Variants in TMSB15B observed in about 807,000 individuals in gnomAD.
TMSB15B encodes the protein thymosin beta 15B, also known as thymosin beta-15B.
intron 1 of TMSB15B, among the ~76,000 whole-genome samples, chrX:103,927,420 G>T (rs1348977268): frequency 9.8e-5 from 11 of 112,008 alleles, no homozygotes; most frequent in African/African-American, 3.6e-4. Flanking sequence ...TACAGGGTTA[G>T]GTTTGGAAAT....
intron 1 of TMSB15B, among the ~76,000 whole-genome samples, chrX:103,920,045 C>T (rs1556317282): frequency 8.9e-6 from 1 of 111,806 alleles, no homozygotes; most frequent in Non-Finnish European, 1.9e-5. Flanking sequence ...AGAGGAAACT[C>T]TTCTTGGCAC....
At chrX:103,933,812 T>A (rs1232069624) in intron 1 of TMSB15B, among the ~76,000 whole-genome samples, 2 of 108,626 alleles carry the variant, frequency 1.8e-5, no homozygotes, top group African/African-American at 6.6e-5. Context: ...TTTGCAGGGT[T>A]TTCTTTTCTT....
intron 1 of TMSB15B, chrX:103,928,144 A>G (rs1236629109): frequency 5.8e-5 from 67 of 1,155,444 alleles, no homozygotes; most frequent in East Asian, 5.7e-4. Context: ...AGCACAGAAC[A>G]CAAGCAGAGG....
intron 1 of TMSB15B, chrX:103,932,548 T>C (rs1482406748): frequency 2.7e-5 from 3 of 112,618 alleles, no homozygotes; most frequent in East Asian, 5.5e-4. Context: ...ACTTTATGTA[T>C]GTTTAAAGCT....
chrX:103,944,803 T>C (rs1479006297), intron 1 of TMSB15B, among the ~76,000 whole-genome samples: 3 of 112,361 alleles, frequency 2.7e-5, no homozygotes, highest in Non-Finnish European at 5.6e-5. Context: ...CTTTCTTTTA[T>C]GTTTTTTTGA....
chrX:103,939,960 G>A (rs1202388932), intron 1 of TMSB15B, among the ~76,000 whole-genome samples: 1 of 111,692 alleles, frequency 9.0e-6, no homozygotes. Context: ...TCCAGACCCC[G>A]TTCATCTGGG....
chrX:103,928,879 T>G (rs2074976921), intron 1 of TMSB15B: 1 of 1,204,046 alleles, frequency 8.3e-7, no homozygotes, highest in African/African-American at 1.7e-5. Context: ...GTGGAACACT[T>G]GGGGCCAAAA....
intron 1 of TMSB15B, among the ~76,000 whole-genome samples, chrX:103,930,723 T>TTGA (rs200465669): frequency 0.17 from 12,923 of 74,398 alleles, 768 homozygotes; most frequent in East Asian, 0.38. Flanking sequence ...AATGATGCTG[T>TTGA]TGATAATAAT....
intron 1 of TMSB15B, among the ~76,000 whole-genome samples, chrX:103,950,766 G>A (rs1417066558): frequency 9.1e-6 from 1 of 110,324 alleles, no homozygotes; most frequent in African/African-American, 3.3e-5. Flanking sequence ...TAATAAAGAT[G>A]AGAAATAACA....
At chrX:103,940,552 T>C (rs1198103741) in intron 1 of TMSB15B, among the ~76,000 whole-genome samples, 2 of 111,192 alleles carry the variant, frequency 1.8e-5, no homozygotes, top group African/African-American at 6.6e-5. Context: ...ACTTTCGTGC[T>C]GGCAGCAAGA....
intron 1 of TMSB15B, among the ~76,000 whole-genome samples, chrX:103,924,883 A>G (rs1160777497): frequency 9.0e-6 from 1 of 110,993 alleles, no homozygotes; most frequent in Non-Finnish European, 1.9e-5. Context: ...GGTGGTCTGT[A>G]CTTTGAATTC....
the TMSB15B span, among the ~76,000 whole-genome samples, chrX:103,974,376 CAT>C: frequency 1.7e-3 from 23 of 13,309 alleles, 3 homozygotes; most frequent in African/African-American, 2.2e-3. Flanking sequence ...TATACATATA[CAT>C]ATATATATAT....
chrX:103,928,668 A>G (rs1556319387), intron 1 of TMSB15B: 3 of 1,154,800 alleles, frequency 2.6e-6, no homozygotes, highest in Admixed American at 2.2e-5. Flanking sequence ...GGAGCACTCT[A>G]TATTTTTCTT....
intron 1 of TMSB15B, chrX:103,932,455 G>A (rs1276806089): frequency 8.9e-6 from 1 of 112,171 alleles, no homozygotes; most frequent in African/African-American, 3.2e-5. Flanking sequence ...AAAGGAAAAA[G>A]TTTGTGTGTT....
intron 1 of TMSB15B, among the ~76,000 whole-genome samples, chrX:103,951,199 A>G (rs1453950443): frequency 8.9e-6 from 1 of 111,810 alleles, no homozygotes; most frequent in Non-Finnish European, 1.9e-5. Flanking sequence ...AGAGGTAATT[A>G]TGTCACATTA....
At chrX:103,948,961 T>C (rs1556327838) in intron 1 of TMSB15B, among the ~76,000 whole-genome samples, 1 of 111,727 alleles carries the variant, frequency 9.0e-6, no homozygotes, top group Non-Finnish European at 1.9e-5. Context: ...GAAAACAGGG[T>C]GGGCAGTTTG....
intron 1 of TMSB15B, chrX:103,929,156 C>T (rs1556319480): frequency 2.3e-6 from 1 of 426,755 alleles, no homozygotes; most frequent in African/African-American, 2.5e-5. Context: ...GGAGAAGTTC[C>T]CAACTACCAA....
intron 1 of TMSB15B, among the ~76,000 whole-genome samples, chrX:103,924,482 G>T (rs1556318456): frequency 1.8e-5 from 2 of 111,479 alleles, no homozygotes; most frequent in Non-Finnish European, 1.9e-5. Flanking sequence ...TTGTCTTTTT[G>T]CTTCCACCTT....
chrX:103,955,263 G>T (rs1303256598), intron 1 of TMSB15B, among the ~76,000 whole-genome samples: 35 of 111,237 alleles, frequency 3.1e-4, no homozygotes, highest in African/African-American at 1.3e-4. Context: ...CCAAATGACT[G>T]CATCACCTGT....
Sources: gnomAD v4.1 joint callset for allele counts (sites outside exome capture counted in the v4.1 genomes callset) on GRCh38, gnomAD v4.1.1 for gene constraint, MANE v1.5 for transcripts, NCBI Gene and HGNC (gene_info 2026-07-23, HGNC 2026-07-21) for gene names.